Variants in BLZF1 observed in about 807,000 individuals in gnomAD.
The protein encoded by BLZF1 is golgin-45.
BLZF1 carries 39 observed loss-of-function variants against 43.8 expected under a neutral mutation model. The ratio of observed to expected loss-of-function variants is 0.89; its 90% CI spans 0.69 to 1.16. The LOEUF is 1.16. Ranked by LOEUF, BLZF1 falls within the 50% of genes most tolerant of loss-of-function variation. The pLI is 0.00. For synonymous variants in BLZF1, 136 were observed against 159.4 expected, an observed-to-expected ratio of 0.85 and a Z score of 1.11; for missense variants, 449 against 469.8, an observed-to-expected ratio of 0.96 and a Z score of 0.41.
Position 169,387,334 on chromosome 1 carries a change from G to C in BLZF1, c.*152G>C. The C allele has an allele frequency of 1.6e-6, 1 of 612,326 alleles. No homozygotes were observed. Among genetic ancestry groups the C allele is most frequent in the Non-Finnish European group, 2.7e-6 (1 of 375,062 alleles). 37.9% of individuals were successfully genotyped at this position (612,326 alleles called of 1,614,324 possible). A position where few individuals can be genotyped will look rare whatever the true frequency, so the allele number is the denominator to read the frequency against. On this transcript the variant is annotated 3_prime_UTR_variant, in exon 7 of 7. Transcript: ENST00000367808. ...AAGATATTTTATGTACTAGACTCCA[G>C]ATTACCCTTTCTTAATAAATATCTC...
chr1:169,382,332 C>A, intron 6 of BLZF1, 51 bp downstream of exon 6: 1 of 1,491,098 alleles, frequency 6.7e-7, no homozygotes, highest in Non-Finnish European at 9.2e-7. Context: ...TGTCCTTTTA[C>A]TGAAAGGTGA....
chr1:169,391,833 T>C (rs1233072130), downstream of BLZF1, among the ~76,000 whole-genome samples: 1 of 152,202 alleles, frequency 6.6e-6, no homozygotes, highest in Non-Finnish European at 1.5e-5. Context: ...CACGGAGGTT[T>C]GGGGAGTTCC....
chr1:169,386,678 CA>C (rs11420632), intron 6 of BLZF1, among the ~76,000 whole-genome samples: 2,537 of 107,584 alleles, frequency 0.024, 52 homozygotes, highest in African/African-American at 0.068. Context: ...GACTCCATCT[CA>C]AAAAAAAAAA....
chr1:169,376,602 A>G lies in BLZF1; in HGVS notation c.91A>G (p.Lys31Glu). 2 of 1,613,044 alleles carry G rather than the reference A, an allele frequency of 1.2e-6. No homozygotes were observed. Among genetic ancestry groups the G allele is most frequent in the Non-Finnish European group, 1.7e-6 (2 of 1,179,472 alleles). ...TGGAATGGAAACTGAGGAACCACCT[A>G]AATCTGTTGAAGTTACCTCCGGAGT... ...GDGMETEEPP[K>E]SVEVTSGVQS... The change falls in exon 3 of 7, where the codon AAA becomes GAA. Residue 31 changes from lysine (K) to glutamate (E), a missense_variant. Physicochemically the swap from Lys to Glu is moderately conservative, Grantham distance 56. Coordinates refer to ENST00000367808, the MANE Select transcript of BLZF1 (RefSeq NM_001320973.2).
chr1:169,369,540 AG>A lies in BLZF1; in HGVS notation c.19del (p.Glu7LysfsTer59). ...GTGAAAAAATGACTACTAAAAATTT[AG>A]AAACCAAAGGTAAGTGGCTTTTTTA... MTTKNL[E>X]TKVTVTSSPI... On this transcript the variant is annotated frameshift_variant, in exon 2 of 7. Coordinates refer to ENST00000367808, the MANE Select transcript of BLZF1 (RefSeq NM_001320973.2). LOFTEE classifies it high-confidence loss of function. The A allele has an allele frequency of 1.2e-6, 2 of 1,609,502 alleles. No individual in the cohort carries two copies. Among genetic ancestry groups the A allele is most frequent in the Non-Finnish European group, 1.7e-6 (2 of 1,177,066 alleles).
chr1:169,377,010 A>G lies in BLZF1; in HGVS notation c.468+31A>G, dbSNP rs756588893. The G allele has an allele frequency of 2.4e-5, 37 of 1,554,274 alleles. No individual in the cohort carries two copies. The East Asian group carries it at 7.9e-4, about 33-fold the overall frequency. ...AAGAGCCTTAATCGATAAAATGAGT[A>G]CTACTCTTTACGTCTGGACCTTTTA... On this transcript the variant is annotated intron_variant, in intron 3 of 6. Transcript: ENST00000367808.
At chr1:169,382,022 C>A (rs772622294) in intron 5 of BLZF1, 40 bp from the exon 6 acceptor site, 1 of 1,454,442 alleles carries the variant, frequency 6.9e-7, no homozygotes, top group Non-Finnish European at 9.4e-7. Flanking sequence ...TTACATTTTG[C>A]TCTCTTACTA....
intron 6 of BLZF1, among the ~76,000 whole-genome samples, chr1:169,385,255 T>G (rs1277526733): frequency 6.6e-6 from 1 of 152,232 alleles, no homozygotes; most frequent in Non-Finnish European, 1.5e-5. Flanking sequence ...TTAACAAAAC[T>G]GACAGCCCTT....
chr1:169,382,932 G>T (rs1654568111), intron 6 of BLZF1, among the ~76,000 whole-genome samples: 1 of 152,140 alleles, frequency 6.6e-6, no homozygotes, highest in African/African-American at 2.4e-5. Flanking sequence ...CTCCCTGGAT[G>T]TGAACACATC....
At chr1:169,395,311 T>C (rs1654954389) in intron 7 of BLZF1, 1 of 996,534 alleles carries the variant, frequency 1.0e-6, no homozygotes, top group Non-Finnish European at 1.4e-6. Flanking sequence ...TTCTTTACAA[T>C]GAAATACTGT....
At position 169,382,223 on chromosome 1, in the gene BLZF1, A is replaced by G; in HGVS notation, c.959A>G (p.Lys320Arg). ...GGAAATGTTGGCATTAACAATCAAA[A>G]AAAGATTCCATCAACAGTTGAATTC... Reference protein sequence around the residue: ...LLGNVGINNQKKIPSTVEFCS... With the variant: ...LLGNVGINNQRKIPSTVEFCS... The change falls in exon 6 of 7, where the codon AAA (lysine) becomes AGA (arginine). Residue 320 changes from lysine (K) to arginine (R), a missense_variant. Lys to Arg is a conservative substitution (Grantham distance 26). Transcript: ENST00000367808. 1 of 1,613,848 alleles carries G rather than the reference A, an allele frequency of 6.2e-7. No homozygotes were observed. The highest frequency in any genetic ancestry group is 8.5e-7 in the Non-Finnish European group (1 of 1,179,754).
intron 7 of BLZF1, chr1:169,395,190 G>GT: frequency 6.2e-7 from 1 of 1,610,898 alleles, no homozygotes. Context: ...TTTTCCATCC[G>GT]TTTCCTTCTT....
At chr1:169,371,368 T>G (rs1654113189) in intron 2 of BLZF1, among the ~76,000 whole-genome samples, 1 of 152,222 alleles carries the variant, frequency 6.6e-6, no homozygotes, top group African/African-American at 2.4e-5. Context: ...TTAATATTTA[T>G]TATTACTTGT....
At chr1:169,384,958 T>G (rs1437356875) in intron 6 of BLZF1, among the ~76,000 whole-genome samples, 2 of 152,206 alleles carry the variant, frequency 1.3e-5, no homozygotes, top group Non-Finnish European at 2.9e-5. Flanking sequence ...ACTGAATGAG[T>G]CAGTACCTAA....
At chr1:169,376,208 T>G (rs1479715771) in intron 2 of BLZF1, among the ~76,000 whole-genome samples, 1 of 152,116 alleles carries the variant, frequency 6.6e-6, no homozygotes, top group East Asian at 1.9e-4. Flanking sequence ...ACATTTTTTC[T>G]TACCAAAATT....
At chr1:169,375,361 CATAT>C (rs201587894) in intron 2 of BLZF1, among the ~76,000 whole-genome samples, 1 of 109,302 alleles carries the variant, frequency 9.1e-6, no homozygotes, top group Non-Finnish European at 1.9e-5. Context: ...ATATAAAAAA[CATAT>C]ATACATATAA....
At position 169,383,895 on chromosome 1, in the gene BLZF1, CTT is replaced by C. The variant is rs1424244167; in HGVS notation, c.1017+1616_1017+1617del. 6.6e-5 allele frequency among the ~76,000 whole-genome samples: 10 copies of C among 152,208 alleles called. No homozygotes were observed. The East Asian group carries it at 1.9e-3, about 29-fold the overall frequency. ...TCCTCTTCCTGTGACCCCTCTTGAG[CTT>C]TCTTTACATAACATACTTTCTCTAT... On this transcript the variant is annotated intron_variant, in intron 6 of 6. Coordinates refer to ENST00000367808, the MANE Select transcript of BLZF1 (RefSeq NM_001320973.2).
chr1:169,390,934 T>G (rs1654800350), downstream of BLZF1, among the ~76,000 whole-genome samples: 1 of 152,238 alleles, frequency 6.6e-6, no homozygotes, highest in Non-Finnish European at 1.5e-5. Context: ...TCTTGGATGT[T>G]AGCTTTTAAT....
Position 169,380,580 on chromosome 1 carries a change from G to C in BLZF1, c.768G>C (p.Gln256His), listed in dbSNP as rs774669127. 1.2e-4 allele frequency: 186 copies of C among 1,612,792 alleles called. 2 individuals are homozygous for C. The Middle Eastern group carries it at 0.013, about 109-fold the overall frequency. ...AIQDLLSERE[Q>H]FRQEMIATQK... is the part of the protein sequence containing the mutation. ...AAGATCTCCTAAGTGAACGGGAACAGTTTCGTCAAGAAATGATAGCTACCC... is the reference window on the plus strand; with the variant it reads ...AAGATCTCCTAAGTGAACGGGAACACTTTCGTCAAGAAATGATAGCTACCC... Residue 256 changes from glutamine to histidine, a missense_variant, in exon 5 of 7, where the codon CAG becomes CAC. Physicochemically the swap from Gln to His is conservative, Grantham distance 24 (BLOSUM62 0). Transcript: ENST00000367808.
Sources: allele counts gnomAD v4.1 joint callset (sites outside exome capture counted in the v4.1 genomes callset), GRCh38; gene constraint gnomAD v4.1.1; transcripts MANE v1.5; gene names NCBI Gene and HGNC (gene_info 2026-07-23, HGNC 2026-07-21).